Variants in NIPSNAP3B observed in about 807,000 individuals in gnomAD.
The protein encoded by NIPSNAP3B is nipsnap homolog 3B, also known as protein NipSnap homolog 3B.
A neutral mutation model predicts 31.5 loss-of-function variants in NIPSNAP3B; 30 were observed. That is an observed-to-expected ratio of 0.95 (90% CI 0.71 to 1.29). The LOEUF (loss-of-function observed/expected upper bound fraction) is 1.29. Among genes scored for constraint, NIPSNAP3B ranks in the 50% most tolerant of loss-of-function variants. The probability of loss-of-function intolerance (pLI) is 0.00; values close to 1 mark genes in which losing one functional copy is unlikely to be tolerated. For missense variants in NIPSNAP3B, 269 were observed against 300.7 expected (o/e 0.89, Z 0.78); for synonymous variants, 106 against 107.9 (o/e 0.98, Z 0.11).
chr9:104,770,175 A>C (rs1828183824), intron 3 of NIPSNAP3B, among the ~76,000 whole-genome samples: 1 of 152,142 alleles, frequency 6.6e-6, no homozygotes, highest in Admixed American at 6.5e-5. Flanking sequence ...ATTCTTTAGT[A>C]ACTTTGTATT....
Position 104,772,868 on chromosome 9 carries a change from G to C in NIPSNAP3B, c.627G>C (p.Gly209=), listed in dbSNP as rs1191076834. Residue 209 remains glycine, a synonymous_variant, in exon 5 of 6, where the codon GGG becomes GGC. Transcript: ENST00000374762. ...AGAGTGCAGATAGTCGTGCAGCTGG[G>C]AGACATAAGTCCCATGAGGATCCCA... ...WNESADSRAA[G]RHKSHEDPRV... 2 of 1,613,550 alleles carry C rather than the reference G, an allele frequency of 1.2e-6. No individual in the cohort carries two copies. The highest frequency in any genetic ancestry group is 1.7e-6 in the Non-Finnish European group (2 of 1,179,828).
At chr9:104,784,701 T>C in the NIPSNAP3B span, among the ~76,000 whole-genome samples, 1 of 152,214 alleles carries the variant, frequency 6.6e-6, no homozygotes, top group Non-Finnish European at 1.5e-5. Flanking sequence ...TGGAGTGCAG[T>C]GGCGAGACCT....
chr9:104,782,593 G>A (rs978915204), downstream of NIPSNAP3B: 1 of 152,066 alleles, frequency 6.6e-6, no homozygotes, highest in African/African-American at 2.4e-5. Context: ...AGAAAACTCT[G>A]AAAAATGCTC....
intron 2 of NIPSNAP3B, 150 bp downstream of exon 2, chr9:104,766,685 ATCT>A (rs1047985076): frequency 1.1e-5 from 8 of 728,402 alleles, no homozygotes; most frequent in South Asian, 9.1e-5. Flanking sequence ...AATTTAGCAG[ATCT>A]TCTTCCCAGT....
chr9:104,787,671 T>C, the NIPSNAP3B span: 1 of 180,880 alleles, frequency 5.5e-6, no homozygotes, highest in Non-Finnish European at 1.1e-5. Flanking sequence ...TCAAATCACA[T>C]ATCCAGCCTC....
chr9:104,779,620 G>GT (rs1588173390), downstream of NIPSNAP3B, among the ~76,000 whole-genome samples: 1 of 60,264 alleles, frequency 1.7e-5, no homozygotes, highest in Admixed American at 2.3e-4. Flanking sequence ...AAGCTAAGTG[G>GT]GTTTTTTTTT....
chr9:104,786,404 GAA>G, the NIPSNAP3B span: 26 of 1,610,450 alleles, frequency 1.6e-5, no homozygotes, highest in Non-Finnish European at 2.1e-5. Context: ...CGGTAAAACA[GAA>G]AGAGGTTTTA....
the NIPSNAP3B span, chr9:104,787,089 C>A: frequency 5.0e-6 from 4 of 805,442 alleles, no homozygotes; most frequent in Non-Finnish European, 7.8e-6. Context: ...ACTTGCCATT[C>A]TAGTTATTTC....
the NIPSNAP3B span, among the ~76,000 whole-genome samples, chr9:104,790,047 G>A: frequency 6.6e-6 from 1 of 151,888 alleles, no homozygotes; most frequent in Admixed American, 6.6e-5. Context: ...AGTGAGCCAA[G>A]GTCGCGCCAT....
intron 4 of NIPSNAP3B, 31 bp from the exon 5 acceptor site, chr9:104,772,791 T>C: frequency 6.3e-7 from 1 of 1,599,774 alleles, no homozygotes; most frequent in South Asian, 1.1e-5. Flanking sequence ...TGCCATATAT[T>C]TCAGAAACTA....
chr9:104,772,385 A>G (rs1828242966), intron 4 of NIPSNAP3B, among the ~76,000 whole-genome samples: 1 of 152,132 alleles, frequency 6.6e-6, no homozygotes, highest in Non-Finnish European at 1.5e-5. Flanking sequence ...AATATACACT[A>G]AGACCCTAAT....
intron 2 of NIPSNAP3B, among the ~76,000 whole-genome samples, chr9:104,768,216 A>G (rs375707758): frequency 2.2e-4 from 33 of 152,302 alleles, no homozygotes; most frequent in African/African-American, 7.7e-4. Context: ...TGGGTAACTT[A>G]GAAAGAAGAG....
In NIPSNAP3B at chr9:104,772,977, CT is replaced by C. The variant is rs750456883; in HGVS notation, c.668-18del. On this transcript the variant is annotated intron_variant, in intron 5 of 5. Coordinates refer to ENST00000374762, the MANE Select transcript of NIPSNAP3B (RefSeq NM_018376.4). ...GATTCAACCAATAACTGTATGCCTT[CT>C]TATGAAATGTTTTTCCAGTTCGGGA... 1 of 1,614,040 alleles carries C rather than the reference CT, an allele frequency of 6.2e-7. No homozygotes were observed. Among genetic ancestry groups the C allele is most frequent in the Admixed American group, 1.7e-5 (1 of 60,010 alleles).
chr9:104,776,947 A>C lies in NIPSNAP3B; in HGVS notation c.*3874A>C, dbSNP rs1358234997. ...TTTTGAGCCACTGTTAACAGATTAC[A>C]TAACTGTTATTGGAAGTGCCTCACT... On this transcript the variant is annotated 3_prime_UTR_variant, in exon 6 of 6. Coordinates refer to ENST00000374762, the MANE Select transcript of NIPSNAP3B (RefSeq NM_018376.4). Among the ~76,000 whole-genome samples the C allele has an allele frequency of 1.3e-5, 2 of 152,218 alleles. No homozygotes were observed. Among genetic ancestry groups the C allele is most frequent in the Non-Finnish European group, 2.9e-5 (2 of 68,038 alleles).
chr9:104,771,177 T>G, intron 4 of NIPSNAP3B, 179 bp downstream of exon 4: 1 of 525,660 alleles, frequency 1.9e-6, no homozygotes, highest in Non-Finnish European at 3.3e-6. Context: ...ATGTTAATAC[T>G]TTATGGAGCC....
In NIPSNAP3B at chr9:104,766,382, C is replaced by T. The variant is rs145340292; in HGVS notation, c.118C>T (p.Arg40Cys). The change falls in exon 2 of 6, where the codon CGT becomes TGT. Residue 40 changes from arginine (R) to cysteine (C), a missense_variant. Coordinates refer to ENST00000374762, the MANE Select transcript of NIPSNAP3B (RefSeq NM_018376.4). ...ATACGATGGAACGTTCTATGAATTTCGTACTTATTACCTTAAACCTTCAAA... is the reference window on the plus strand; with the variant it reads ...ATACGATGGAACGTTCTATGAATTTTGTACTTATTACCTTAAACCTTCAAA... ...RQYDGTFYEFRTYYLKPSNMN... is the reference protein window; with the variant it reads ...RQYDGTFYEFCTYYLKPSNMN... 509 of 1,613,734 alleles carry T rather than the reference C, an allele frequency of 3.2e-4. 1 individual carries two copies. The African/African-American group carries it at 4.4e-3, about 14-fold the overall frequency.
chr9:104,787,139 T>C, the NIPSNAP3B span, among the ~76,000 whole-genome samples: 1 of 152,372 alleles, frequency 6.6e-6, no homozygotes, highest in South Asian at 2.1e-4. Context: ...CAAATTCATT[T>C]GTAAACAAGG....
chr9:104,765,561 G>C (rs1455630410), intron 1 of NIPSNAP3B, among the ~76,000 whole-genome samples: 1 of 152,186 alleles, frequency 6.6e-6, no homozygotes, highest in Non-Finnish European at 1.5e-5. Context: ...ACAAAGGGTG[G>C]TTCTTAAAGG....
chr9:104,776,410 C>G lies in NIPSNAP3B; in HGVS notation c.*3337C>G, dbSNP rs544253535. Among the ~76,000 whole-genome samples, 11 of 152,144 alleles carry G rather than the reference C, an allele frequency of 7.2e-5. No homozygotes were observed. Among genetic ancestry groups the G allele is most frequent in the Non-Finnish European group, 1.3e-4 (9 of 68,020 alleles). ...GAATGTTTTTGTCCCCCCAAAATTC[C>G]TATGTTGAAGCCTTAATCTCAACAT... is the stretch of plus-strand genomic sequence containing the variant. On this transcript the variant is annotated 3_prime_UTR_variant, in exon 6 of 6. Transcript: ENST00000374762.
Sources: gnomAD v4.1 joint callset for allele counts (sites outside exome capture counted in the v4.1 genomes callset) on GRCh38, gnomAD v4.1.1 for gene constraint, MANE v1.5 for transcripts, NCBI Gene and HGNC (gene_info 2026-07-23, HGNC 2026-07-21) for gene names.